SLC22A9: variants seen among roughly 807,000 people sequenced by gnomAD.
SLC22A9 encodes the protein organic anion transporter 7.
In SLC22A9, 64 loss-of-function variants were observed where a neutral mutation model predicts 50.1. The observed-to-expected ratio is 1.28, with a 90% confidence interval of 1.04 to 1.57. The LOEUF is 1.57. SLC22A9 is among the 40% of genes most tolerant of loss of function. SLC22A9 has a pLI of 0.00. For missense variants in SLC22A9, 757 were observed against 676.1 expected (o/e 1.12, Z -1.33); for synonymous variants, 261 against 242.5 (o/e 1.08, Z -0.71).
intron 4 of SLC22A9, 120 bp from the exon 5 acceptor site, chr11:63,375,525 C>T (rs1041597506): frequency 7.1e-7 from 1 of 1,400,554 alleles, no homozygotes; most frequent in Non-Finnish European, 9.6e-7. Flanking sequence ...TTTACATTTC[C>T]TGGTAAAACC....
At chr11:63,393,046 G>A (rs774391252) in intron 6 of SLC22A9, among the ~76,000 whole-genome samples, 49 of 152,004 alleles carry the variant, frequency 3.2e-4, no homozygotes, top group Non-Finnish European at 5.7e-4. Context: ...ATTTTCATGG[G>A]AATCGCATTG....
intron 6 of SLC22A9, among the ~76,000 whole-genome samples, chr11:63,386,947 G>C (rs1366255317): frequency 6.6e-6 from 1 of 151,868 alleles, no homozygotes; most frequent in African/African-American, 2.4e-5. Context: ...TTTGGGGTTT[G>C]TTTGCTCTTG....
In SLC22A9 at chr11:63,369,799, G is replaced by A. The variant is rs1028317748; in HGVS notation, c.-258G>A. 9.5e-6 allele frequency: 4 copies of A among 420,312 alleles called. No homozygotes were observed. The highest frequency in any genetic ancestry group is 2.0e-5 in the African/African-American group (1 of 49,002). The allele number at this position is 420,312 out of a possible 1,614,324, so 26.0% of individuals were successfully genotyped here. A position where few individuals can be genotyped will look rare whatever the true frequency, so the allele number is the denominator to read the frequency against. On this transcript the variant is annotated 5_prime_UTR_variant, in exon 1 of 10. Coordinates refer to ENST00000279178, the MANE Select transcript of SLC22A9 (RefSeq NM_080866.3). ...AGTAGAATTTTAAACACATTTCATT[G>A]TAAACGACTGGGAGTATCTGAGCAA... is the stretch of plus-strand genomic sequence containing the variant.
intron 5 of SLC22A9, among the ~76,000 whole-genome samples, chr11:63,377,815 GA>G (rs1243369466): frequency 1.3e-5 from 2 of 151,598 alleles, no homozygotes; most frequent in East Asian, 3.9e-4. Context: ...AACTAATAAA[GA>G]AAAAAAGAGA....
At position 63,408,126 on chromosome 11, in the gene SLC22A9, C is replaced by T. The variant is rs569298081; in HGVS notation, c.1303C>T (p.Arg435Cys). ...CCTTTCTCCAGAAATGCAGACGCTGCGTGAGGTTTTGGCAACACTGGGCTT... is the reference window on the plus strand; with the variant it reads ...CCTTTCTCCAGAAATGCAGACGCTGTGTGAGGTTTTGGCAACACTGGGCTT... ...IFVPQEMQTLREVLATLGLGA... is the reference protein window; with the variant it reads ...IFVPQEMQTLCEVLATLGLGA... Residue 435 changes from arginine (R) to cysteine (C), a missense_variant, in exon 8 of 10, where the codon CGT becomes TGT. Physicochemically the swap from Arg to Cys is radical, Grantham distance 180 (BLOSUM62 -3). Transcript: ENST00000279178. 108 of 1,613,420 alleles carry T rather than the reference C, an allele frequency of 6.7e-5. No individual in the cohort carries two copies. In the South Asian group the frequency reaches 9.3e-4, roughly 14 times the overall value.
rs190834510 is a variant in SLC22A9 at position 63,405,144 on chromosome 11, T to A, written c.1074-1353T>A. Among the ~76,000 whole-genome samples, 131 of 151,980 alleles carry A rather than the reference T, an allele frequency of 8.6e-4. 1 individual carries two copies. Among genetic ancestry groups the A allele is most frequent in the African/African-American group, 3.0e-3 (124 of 41,466 alleles). ...ATAACAATAATAATAATAATAATAA[T>A]AAAAGGAATACATGGCAACTAGCAG... On this transcript the variant is annotated intron_variant, in intron 6 of 9. Coordinates refer to ENST00000279178, the MANE Select transcript of SLC22A9 (RefSeq NM_080866.3).
chr11:63,375,500 C>T, intron 4 of SLC22A9, 145 bp from the exon 5 acceptor site: 1 of 1,149,736 alleles, frequency 8.7e-7, no homozygotes, highest in Middle Eastern at 2.7e-4. Flanking sequence ...TAGTTATAGT[C>T]AAAGAGAATG....
intron 2 of SLC22A9, among the ~76,000 whole-genome samples, chr11:63,373,216 C>T (rs560607354): frequency 6.6e-6 from 1 of 151,360 alleles, no homozygotes; most frequent in South Asian, 2.1e-4. Context: ...ATCAGTATAC[C>T]CATAGCCTGC....
intron 2 of SLC22A9, among the ~76,000 whole-genome samples, chr11:63,372,435 A>C (rs1209628225): frequency 6.6e-6 from 1 of 152,200 alleles, no homozygotes; most frequent in African/African-American, 2.4e-5. Flanking sequence ...AAGGTGAATT[A>C]ACATCAAAAC....
intron 6 of SLC22A9, among the ~76,000 whole-genome samples, chr11:63,394,620 T>A (rs2014819616): frequency 6.6e-6 from 1 of 152,180 alleles, no homozygotes; most frequent in Admixed American, 6.6e-5. Context: ...TTTTCCCTTT[T>A]AGGTTACCTG....
At chr11:63,386,883 C>A (rs564690826) in intron 6 of SLC22A9, among the ~76,000 whole-genome samples, 1 of 150,534 alleles carries the variant, frequency 6.6e-6, no homozygotes, top group African/African-American at 2.4e-5. Context: ...TTTTTTGTAT[C>A]GCTGTCTCCT....
In SLC22A9 at chr11:63,387,363, T is replaced by G. The variant is rs548378328; in HGVS notation, c.1073+5086T>G. Among the ~76,000 whole-genome samples, 4 of 152,226 alleles carry G rather than the reference T, an allele frequency of 2.6e-5. No homozygotes were observed. The South Asian group carries it at 8.3e-4, about 32-fold the overall frequency. Reference sequence around the variant, plus strand: ...CTAGTTTCATTCTTCTGCATATGGATATTCCATTTCCCAAGCACCATGTAT... The same window carrying G: ...CTAGTTTCATTCTTCTGCATATGGAGATTCCATTTCCCAAGCACCATGTAT... On this transcript the variant is annotated intron_variant, in intron 6 of 9. Coordinates refer to ENST00000279178, the MANE Select transcript of SLC22A9 (RefSeq NM_080866.3).
In SLC22A9 at chr11:63,374,040, T is replaced by C. The variant is rs767280038; in HGVS notation, c.808T>C (p.Phe270Leu). ...ILQLVVSVPY[F>L]VIFLTSSWLL... Reference sequence around the variant, plus strand: ...CCAGCTGGTGGTGTCTGTACCATACTTTGTGATCTTTCTGACCTCAAGGTA... The same window carrying C: ...CCAGCTGGTGGTGTCTGTACCATACCTTGTGATCTTTCTGACCTCAAGGTA... The change falls in exon 4 of 10, where the codon TTT becomes CTT. Residue 270 changes from phenylalanine (F) to leucine (L), a missense_variant. Transcript: ENST00000279178. 1.2e-6 allele frequency: 2 copies of C among 1,608,784 alleles called. No individual in the cohort carries two copies. The highest frequency in any genetic ancestry group is 8.5e-7 in the Non-Finnish European group (1 of 1,178,080).
intron 6 of SLC22A9, among the ~76,000 whole-genome samples, chr11:63,403,770 GAAATAGCA>G (rs2014990504): frequency 6.6e-6 from 1 of 151,786 alleles, no homozygotes; most frequent in African/African-American, 2.4e-5. Context: ...CGTAAAAAAT[GAAATAGCA>G]TCCTATACCT....
chr11:63,406,759 C>T (rs754403437), intron 7 of SLC22A9, 48 bp downstream of exon 7: 1 of 1,580,652 alleles, frequency 6.3e-7, no homozygotes, highest in Non-Finnish European at 8.6e-7. Flanking sequence ...TGCCTCTTTT[C>T]TCAGGGATTG....
Position 63,374,021 on chromosome 11 carries a change from G to A in SLC22A9, c.789G>A (p.Leu263=), listed in dbSNP as rs2014414898. The part of the protein sequence containing the change: ...FAIRDWHILQ[L]VVSVPYFVIF... ...TTCGAGACTGGCATATCCTCCAGCT[G>A]GTGGTGTCTGTACCATACTTTGTGA... Residue 263 remains leucine, a synonymous_variant, in exon 4 of 10, where the codon CTG becomes CTA. Transcript: ENST00000279178. The A allele has an allele frequency of 1.2e-6, 2 of 1,613,444 alleles. No individual in the cohort carries two copies. Among genetic ancestry groups the A allele is most frequent in the Non-Finnish European group, 1.7e-6 (2 of 1,179,678 alleles).
Position 63,406,680 on chromosome 11 carries a change from C to T in SLC22A9, c.1257C>T (p.Ile419=), listed in dbSNP as rs907115642. 12 of 1,613,520 alleles carry T rather than the reference C, an allele frequency of 7.4e-6. No homozygotes were observed. The African/African-American group carries it at 1.6e-4, about 22-fold the overall frequency. The stretch of plus-strand genomic sequence containing the variant: ...TGCTTCTCATGTTCCTACTGGCAAT[C>T]TGCCTTCTGGCCATCATATTTGTGC... ...SQMLLMFLLA[I]CLLAIIFVPQ... The change falls in exon 7 of 10, where the codon ATC becomes ATT. Residue 419 remains isoleucine (I), a synonymous_variant. Transcript: ENST00000279178.
Position 63,410,257 on chromosome 11 carries a change from A to AAAAAAAAGAAGGAAAGAAAG in SLC22A9, c.*398_*399insAAAAGAAGGAAAGAAAGAAA. ...CTGTCTCAAAAAAAAAAAAAAAAAA[A>AAAAAAAAGAAGGAAAGAAAG]AAAGAAAGAAGGAAAGAAAGAAAGA... On this transcript the variant is annotated 3_prime_UTR_variant, in exon 10 of 10. Transcript: ENST00000279178. The AAAAAAAAGAAGGAAAGAAAG allele has an allele frequency of 0.037, 3,931 of 106,534 alleles. 210 individuals carry two copies. Among genetic ancestry groups the AAAAAAAAGAAGGAAAGAAAG allele is most frequent in the East Asian group, 0.26 (438 of 1,664 alleles). 6.6% of individuals were successfully genotyped at this position (106,534 alleles called of 1,614,324 possible).
chr11:63,384,955 T>A (rs941465154), intron 6 of SLC22A9, among the ~76,000 whole-genome samples: 1 of 152,152 alleles, frequency 6.6e-6, no homozygotes, highest in Non-Finnish European at 1.5e-5. Flanking sequence ...AAGTGTCTCT[T>A]CATGTCCTTT....
Sources: gnomAD v4.1 joint callset for allele counts (sites outside exome capture counted in the v4.1 genomes callset) on GRCh38, gnomAD v4.1.1 for gene constraint, MANE v1.5 for transcripts, NCBI Gene and HGNC (gene_info 2026-07-23, HGNC 2026-07-21) for gene names.